Variants in MACROD2 observed in about 807,000 individuals in gnomAD.
The protein encoded by MACROD2 is ADP-ribose glycohydrolase MACROD2.
Under a neutral mutation model 70.4 loss-of-function variants are expected in MACROD2, and 36 were observed. That is an observed-to-expected ratio of 0.51 (90% CI 0.39 to 0.68). MACROD2 has a LOEUF of 0.68. MACROD2 is among the 30% of genes least tolerant of loss of function. The pLI, the probability that MACROD2 is intolerant of heterozygous loss-of-function variation, is 0.00. For synonymous variants in MACROD2, 172 were observed against 178.8 expected, an observed-to-expected ratio of 0.96 and a Z score of 0.30; for missense variants, 496 against 538.4, an observed-to-expected ratio of 0.92 and a Z score of 0.78.
intron 8 of MACROD2, among the ~76,000 whole-genome samples, chr20:15,645,743 G>A (rs1350355831): frequency 6.6e-6 from 1 of 152,142 alleles, no homozygotes; most frequent in African/African-American, 2.4e-5. Context: ...ATACAGCAAG[G>A]CTGTGTAAAT....
At chr20:14,228,161 A>ATG (rs2081761081) in intron 3 of MACROD2, among the ~76,000 whole-genome samples, 2 of 48,498 alleles carry the variant, frequency 4.1e-5, no homozygotes, top group Non-Finnish European at 7.2e-5. Context: ...AGTTTTTTCT[A>ATG]TGTATATATA....
chr20:15,843,740 A>G (rs1301893097), intron 8 of MACROD2, among the ~76,000 whole-genome samples: 2 of 152,226 alleles, frequency 1.3e-5, no homozygotes, highest in South Asian at 2.1e-4. Context: ...GTAACAGAGC[A>G]TTATGTGCAT....
chr20:14,174,206 G>A (rs939297896), intron 3 of MACROD2, among the ~76,000 whole-genome samples: 5 of 152,138 alleles, frequency 3.3e-5, no homozygotes, highest in African/African-American at 1.2e-4. Context: ...GGTTTCTCAG[G>A]TGGTGGGCAG....
intron 5 of MACROD2, among the ~76,000 whole-genome samples, chr20:14,998,964 G>A (rs2074972108): frequency 1.3e-5 from 2 of 152,230 alleles, no homozygotes; most frequent in African/African-American, 4.8e-5. Context: ...TACAGGCCAG[G>A]AGAGAGTGGC....
At chr20:15,295,613 AC>A (rs2077579243) in intron 6 of MACROD2, among the ~76,000 whole-genome samples, 2 of 151,864 alleles carry the variant, frequency 1.3e-5, no homozygotes, top group Non-Finnish European at 2.9e-5. Context: ...ACACACACAC[AC>A]ACACACACAC....
chr20:15,843,289 A>G (rs181581687), intron 8 of MACROD2, among the ~76,000 whole-genome samples: 2 of 152,306 alleles, frequency 1.3e-5, no homozygotes, highest in Admixed American at 1.3e-4. Context: ...TCATTCCTGG[A>G]AGTTGACTCT....
chr20:14,766,490 A>G (rs189328967), intron 5 of MACROD2, among the ~76,000 whole-genome samples: 46 of 152,248 alleles, frequency 3.0e-4, no homozygotes, highest in Non-Finnish European at 4.6e-4. Context: ...AAGCAATTAG[A>G]GATTGGTGGA....
chr20:15,214,415 A>G (rs951173145), intron 5 of MACROD2, among the ~76,000 whole-genome samples: 4 of 152,044 alleles, frequency 2.6e-5, no homozygotes, highest in African/African-American at 9.7e-5. Context: ...ATGAAATTCT[A>G]TACATTGCAA....
intron 13 of MACROD2, among the ~76,000 whole-genome samples, chr20:15,986,508 T>C (rs1201203978): frequency 6.6e-6 from 1 of 152,154 alleles, no homozygotes; most frequent in Non-Finnish European, 1.5e-5. Flanking sequence ...TTTGCATCAG[T>C]TTCCAAAAAA....
chr20:14,739,531 A>C (rs879135069), intron 5 of MACROD2, among the ~76,000 whole-genome samples: 2 of 142,942 alleles, frequency 1.4e-5, no homozygotes, highest in African/African-American at 5.1e-5. Flanking sequence ...TATAAAAACA[A>C]CTTATAAGAC....
chr20:15,456,317 T>C (rs1435098367), intron 7 of MACROD2, among the ~76,000 whole-genome samples: 3 of 152,182 alleles, frequency 2.0e-5, no homozygotes, highest in Admixed American at 6.5e-5. Flanking sequence ...TGGGAGAATC[T>C]TTCTGCAGAT....
intron 5 of MACROD2, among the ~76,000 whole-genome samples, chr20:14,887,514 T>A (rs933190887): frequency 1.3e-5 from 2 of 151,478 alleles, no homozygotes; most frequent in African/African-American, 4.9e-5. Flanking sequence ...TGCCTCAGCC[T>A]CCTGGGTAGC....
At chr20:14,272,774 A>G (rs1321751222) in intron 3 of MACROD2, among the ~76,000 whole-genome samples, 2 of 152,158 alleles carry the variant, frequency 1.3e-5, no homozygotes, top group African/African-American at 2.4e-5. Flanking sequence ...GACACACATA[A>G]GCTCAAAATA....
chr20:15,900,284 T>C (rs985360009), intron 10 of MACROD2, among the ~76,000 whole-genome samples: 1 of 152,220 alleles, frequency 6.6e-6, no homozygotes, highest in African/African-American at 2.4e-5. Context: ...GAAGAAAAGC[T>C]TTGTTTTATC....
intron 12 of MACROD2, among the ~76,000 whole-genome samples, chr20:15,966,667 A>G (rs1210257726): frequency 2.0e-5 from 3 of 152,312 alleles, no homozygotes; most frequent in Non-Finnish European, 2.9e-5. Context: ...GCTTGAGCCC[A>G]GGAGTTTGAG....
intron 5 of MACROD2, among the ~76,000 whole-genome samples, chr20:14,707,466 T>C (rs2071283142): frequency 6.6e-6 from 1 of 152,156 alleles, no homozygotes; most frequent in Non-Finnish European, 1.5e-5. Flanking sequence ...ACATTTATCC[T>C]CTGTCCTGCC....
intron 6 of MACROD2, among the ~76,000 whole-genome samples, chr20:15,263,467 T>TC (rs1328660620): frequency 1.1e-4 from 16 of 152,030 alleles, no homozygotes; most frequent in Admixed American, 9.8e-4. Flanking sequence ...GTAACATGAT[T>TC]CCCCTAGTTT....
chr20:15,197,133 T>A, intron 5 of MACROD2: 1 of 441,178 alleles, frequency 2.3e-6, no homozygotes, highest in Non-Finnish European at 3.0e-6. Context: ...GTTCCCCATA[T>A]ATGAGTGACT....
Position 15,885,764 on chromosome 20 carries a change from A to G in MACROD2, c.728A>G (p.Asp243Gly). The G allele has an allele frequency of 6.7e-7, 1 of 1,486,330 alleles. No individual in the cohort carries two copies. Among genetic ancestry groups the G allele is most frequent in the Non-Finnish European group, 8.9e-7 (1 of 1,117,686 alleles). The allele number at this position is 1,486,330 out of a possible 1,614,324, so 92.1% of individuals were successfully genotyped here. A position where few individuals can be genotyped will look rare whatever the true frequency, so the allele number is the denominator to read the frequency against. Residue 243 changes from aspartate to glycine, a missense_variant and splice_region_variant, in exon 10 of 18, where the codon GAC (aspartate) becomes GGC (glycine). Asp to Gly is a moderately conservative substitution (Grantham distance 94, BLOSUM62 -1). Coordinates refer to ENST00000684519, the MANE Select transcript of MACROD2 (RefSeq NM_001351661.2). ...TTTATGTTTTCCTATTTTTTAACAG[A>G]CGATAATAATGAAGAAGAAGAGGAT... ...KKKMNEFFSV[D>G]DNNEEEEDVE...
Sources: allele counts gnomAD v4.1 joint callset (sites outside exome capture counted in the v4.1 genomes callset), GRCh38; gene constraint gnomAD v4.1.1; transcripts MANE v1.5; gene names NCBI Gene and HGNC (gene_info 2026-07-23, HGNC 2026-07-21).